Variants in FNBP1 observed in about 807,000 individuals in gnomAD.
FNBP1 encodes the protein formin binding protein 1.
FNBP1 carries 26 observed loss-of-function variants against 90.6 expected under a neutral mutation model. That is an observed-to-expected ratio of 0.29 (90% CI 0.21 to 0.40). The LOEUF is 0.40. Ranked by LOEUF, FNBP1 falls within the 10% of genes least tolerant of loss-of-function variation. FNBP1 has a pLI of 1.00. For synonymous variants in FNBP1, 260 were observed against 265.2 expected (o/e 0.98, Z 0.19); for missense variants, 635 against 768.0 (o/e 0.83, Z 2.05).
chr9:129,936,819 T>G (rs1208429007), intron 6 of FNBP1, among the ~76,000 whole-genome samples: 1 of 152,152 alleles, frequency 6.6e-6, no homozygotes, highest in Non-Finnish European at 1.5e-5. Context: ...AATAGCAACC[T>G]GTTGGAAATC....
chr9:130,035,882 G>A (rs1051143782), intron 1 of FNBP1, among the ~76,000 whole-genome samples: 1 of 152,152 alleles, frequency 6.6e-6, no homozygotes, highest in Admixed American at 6.5e-5. Flanking sequence ...GGAGGTGGAG[G>A]TTGCAGTGAG....
chr9:129,898,791 G>A (rs1314299357), intron 15 of FNBP1, among the ~76,000 whole-genome samples: 1 of 151,968 alleles, frequency 6.6e-6, no homozygotes, highest in Non-Finnish European at 1.5e-5. Flanking sequence ...CCCAGCCGCT[G>A]CTTGCTCCTT....
intron 1 of FNBP1, among the ~76,000 whole-genome samples, chr9:129,996,948 G>A (rs1589153001): frequency 6.6e-6 from 1 of 152,070 alleles, no homozygotes; most frequent in African/African-American, 2.4e-5. Flanking sequence ...TCCCGCCTTG[G>A]CATCCCAAAG....
At position 130,029,156 on chromosome 9, in the gene FNBP1, CTTTTCTTTTTT is replaced by C. The variant is rs1461364011; in HGVS notation, c.24+13785_24+13795del. On this transcript the variant is annotated intron_variant, in intron 1 of 16. Transcript: ENST00000446176. ...AGTAGTTTAAAATATTGTTCTTTCTCTTTTCTTTTTTTTTTCTGAAACAGGGTCTTGCTCTG... is the reference window on the plus strand; with the variant it reads ...AGTAGTTTAAAATATTGTTCTTTCTCTTTTCTGAAACAGGGTCTTGCTCTG... 4.6e-5 allele frequency among the ~76,000 whole-genome samples: 7 copies of C among 152,112 alleles called. No individual in the cohort carries two copies. In the East Asian group the frequency reaches 1.4e-3, roughly 29 times the overall value.
intron 1 of FNBP1, among the ~76,000 whole-genome samples, chr9:130,024,653 C>T (rs1349762674): frequency 6.6e-6 from 1 of 152,190 alleles, no homozygotes; most frequent in Non-Finnish European, 1.5e-5. Flanking sequence ...ACTGTTCATT[C>T]CGCTTTCTCA....
At chr9:129,967,423 G>A (rs541113668) in intron 4 of FNBP1, among the ~76,000 whole-genome samples, 20 of 152,332 alleles carry the variant, frequency 1.3e-4, no homozygotes, top group African/African-American at 4.6e-4. Context: ...GGCTGAGGCA[G>A]GAGAATGGCT....
At chr9:130,037,969 G>C (rs559042086) in intron 1 of FNBP1, among the ~76,000 whole-genome samples, 3 of 152,282 alleles carry the variant, frequency 2.0e-5, no homozygotes, top group South Asian at 2.1e-4. Context: ...GCTGCCTCTT[G>C]AAAGTGCACA....
intron 12 of FNBP1, among the ~76,000 whole-genome samples, chr9:129,904,587 A>G (rs2037613401): frequency 6.6e-6 from 1 of 152,234 alleles, no homozygotes; most frequent in Non-Finnish European, 1.5e-5. Context: ...CTAAAAATAT[A>G]GAAATAACAG....
intron 6 of FNBP1, among the ~76,000 whole-genome samples, chr9:129,935,848 T>C (rs139703835): frequency 1.9e-3 from 290 of 152,316 alleles, no homozygotes; most frequent in African/African-American, 6.8e-3. Context: ...TGAGCAAATA[T>C]AGACTGGTTC....
intron 16 of FNBP1, among the ~76,000 whole-genome samples, chr9:129,892,416 C>CAA (rs1554755526): frequency 7.4e-6 from 1 of 134,538 alleles, no homozygotes; most frequent in African/African-American, 2.8e-5. Flanking sequence ...CACACACACA[C>CAA]AAAAAGGTTG....
At chr9:129,943,646 TA>T (rs994286997) in intron 6 of FNBP1, among the ~76,000 whole-genome samples, 15 of 152,132 alleles carry the variant, frequency 9.9e-5, no homozygotes, top group African/African-American at 3.6e-4. Flanking sequence ...CTTGGCAGCC[TA>T]AAGTGCTGGG....
chr9:130,034,929 T>G (rs664283), intron 1 of FNBP1, among the ~76,000 whole-genome samples: 1,851 of 152,206 alleles, frequency 0.012, 24 homozygotes, highest in Middle Eastern at 0.054. Flanking sequence ...GAAGGATCAC[T>G]TGAGCCCAGG....
chr9:130,007,481 T>C (rs2055928378), intron 1 of FNBP1, among the ~76,000 whole-genome samples: 1 of 152,044 alleles, frequency 6.6e-6, no homozygotes, highest in African/African-American at 2.4e-5. Flanking sequence ...TCACAACCTG[T>C]AGAAAAAGTG....
chr9:129,913,118 G>A (rs2039627444), intron 11 of FNBP1, among the ~76,000 whole-genome samples: 1 of 151,936 alleles, frequency 6.6e-6, no homozygotes, highest in African/African-American at 2.4e-5. Context: ...TGAATCAGGA[G>A]AAACGCTTCA....
rs111766024 is a variant in FNBP1 at position 129,889,084 on chromosome 9, G to C, written c.*1455C>G. 0.19 allele frequency: 4,940 copies of C among 26,124 alleles called. 20 individuals are homozygous for C. The highest frequency in any genetic ancestry group is 0.29 in the East Asian group (1,146 of 3,946). The allele number at this position is 26,124 out of a possible 1,614,324, so 1.6% of individuals were successfully genotyped here. ...GCTGCTCTGCTCTAAGGCGTGGCGG[G>C]GGGGGGGGGTGGTGGCCACAGATTA... On this transcript the variant is annotated 3_prime_UTR_variant, in exon 17 of 17. Coordinates refer to ENST00000446176, the MANE Select transcript of FNBP1 (RefSeq NM_015033.3).
chr9:130,044,901 C>T (rs2060046536), upstream of FNBP1: 1 of 152,038 alleles, frequency 6.6e-6, no homozygotes, highest in Non-Finnish European at 1.5e-5. Context: ...TGTGCCACTG[C>T]ACTCCAGCCT....
At chr9:129,913,492 C>G (rs185514772) in intron 11 of FNBP1, among the ~76,000 whole-genome samples, 435 of 151,640 alleles carry the variant, frequency 2.9e-3, no homozygotes, top group Middle Eastern at 0.017. Flanking sequence ...CAAACCTGGC[C>G]GGGCCTGGTG....
Position 129,900,865 on chromosome 9 carries a change from C to T in FNBP1, c.1429-318G>A, listed in dbSNP as rs962919597. ...GAAAGCACACTGGACTATGCTATCC[C>T]CTTGGGCTTTTAAGCAGCAGTGCAG... On this transcript the variant is annotated intron_variant, in intron 13 of 16. Transcript: ENST00000446176. The surrounding 1 kb of genome is among the most constrained non-coding windows in gnomAD (Gnocchi z 4.1). Among the ~76,000 whole-genome samples the T allele has an allele frequency of 1.3e-5, 2 of 152,232 alleles. No homozygotes were observed. The highest frequency in any genetic ancestry group is 2.9e-5 in the Non-Finnish European group (2 of 68,038).
chr9:129,978,682 A>C, intron 3 of FNBP1, 70 bp from the exon 4 acceptor site: 1 of 1,463,832 alleles, frequency 6.8e-7, no homozygotes, highest in South Asian at 1.3e-5. Context: ...CTTTACACCA[A>C]GAAAATATTA....
Sources: gnomAD v4.1 joint callset for allele counts (sites outside exome capture counted in the v4.1 genomes callset) on GRCh38, gnomAD v4.1.1 for gene constraint, Gnocchi (gnomAD v3.1) non-coding constraint, MANE v1.5 for transcripts, NCBI Gene and HGNC (gene_info 2026-07-23, HGNC 2026-07-21) for gene names.